MGAT5: variants seen among roughly 807,000 people sequenced by gnomAD.
MGAT5 encodes alpha-1,6-mannosylglycoprotein 6-beta-N-acetylglucosaminyltransferase.
MGAT5 carries 30 observed loss-of-function variants against 94.3 expected under a neutral mutation model. The ratio of observed to expected loss-of-function variants is 0.32; its 90% CI spans 0.24 to 0.43. The LOEUF (loss-of-function observed/expected upper bound fraction) is 0.43, where lower values mean the gene tolerates loss of function less well. Among genes scored for constraint, MGAT5 ranks in the 20% least tolerant of loss-of-function variants. The pLI is 1.00. For missense variants in MGAT5, 691 were observed against 905.5 expected, an observed-to-expected ratio of 0.76 and a Z score of 3.04; for synonymous variants, 310 against 322.9, an observed-to-expected ratio of 0.96 and a Z score of 0.43.
chr2:134,194,381 G>T (rs1679394083), intron 1 of MGAT5, among the ~76,000 whole-genome samples: 1 of 151,934 alleles, frequency 6.6e-6, no homozygotes, highest in African/African-American at 2.4e-5. Context: ...TGGTCCTTGT[G>T]GCTTTAATAC....
At chr2:134,232,817 G>T (rs1681438132) in intron 1 of MGAT5, among the ~76,000 whole-genome samples, 1 of 152,124 alleles carries the variant, frequency 6.6e-6, no homozygotes, top group South Asian at 2.1e-4. Context: ...TCTGTGGGTG[G>T]TGGTTGTTAT....
In MGAT5 at chr2:134,196,423, A is replaced by T. The variant is rs10084469; in HGVS notation, c.-142-57839A>T. Among the ~76,000 whole-genome samples the T allele has an allele frequency of 6.5e-3, 987 of 151,274 alleles. 10 individuals are homozygous for T. Among genetic ancestry groups the T allele is most frequent in the African/African-American group, 0.022 (914 of 41,214 alleles). ...GGCTTAAAAAAAAAAAAAACTATGG[A>T]TCCAAGGGAGCTTTTTAAAACACTC... On this transcript the variant is annotated intron_variant, in intron 1 of 16. Transcript: ENST00000409645.
intron 4 of MGAT5, among the ~76,000 whole-genome samples, chr2:134,320,794 A>G (rs1468741485): frequency 1.3e-5 from 2 of 152,164 alleles, no homozygotes; most frequent in African/African-American, 4.8e-5. Flanking sequence ...ATAGAGGCCA[A>G]ACAGTATTGC....
chr2:134,243,448 G>A (rs930866323), intron 1 of MGAT5, among the ~76,000 whole-genome samples: 5 of 152,136 alleles, frequency 3.3e-5, no homozygotes, highest in Admixed American at 1.3e-4. Flanking sequence ...CAAGTTATTT[G>A]CAGTGTTTGG....
intron 4 of MGAT5, among the ~76,000 whole-genome samples, chr2:134,328,567 A>G (rs1222311275): frequency 6.6e-6 from 1 of 152,056 alleles, no homozygotes; most frequent in Non-Finnish European, 1.5e-5. Context: ...TATCATTATC[A>G]TGAGTCTCTT....
intron 12 of MGAT5, 96 bp from the exon 13 acceptor site, chr2:134,422,707 G>A (rs1260950186): frequency 2.7e-5 from 23 of 860,308 alleles, no homozygotes; most frequent in South Asian, 5.8e-5. Flanking sequence ...TTACCTACAC[G>A]ATTATAACTC....
At chr2:134,333,918 T>G (rs1241996522) in intron 4 of MGAT5, among the ~76,000 whole-genome samples, 1 of 152,164 alleles carries the variant, frequency 6.6e-6, no homozygotes, top group Non-Finnish European at 1.5e-5. Context: ...CTTCTCCCCA[T>G]GGGATAATTG....
intron 4 of MGAT5, among the ~76,000 whole-genome samples, chr2:134,329,637 T>C (rs1456322972): frequency 6.6e-6 from 1 of 152,114 alleles, no homozygotes; most frequent in Non-Finnish European, 1.5e-5. Context: ...GTATCTAGTC[T>C]GTGCTTCGGC....
intron 4 of MGAT5, among the ~76,000 whole-genome samples, chr2:134,320,611 G>T (rs1687257436): frequency 6.6e-6 from 1 of 151,964 alleles, no homozygotes; most frequent in African/African-American, 2.4e-5. Flanking sequence ...TTTTTATTCT[G>T]TCCCCCGTTT....
intron 4 of MGAT5, among the ~76,000 whole-genome samples, chr2:134,321,258 C>G (rs897063880): frequency 6.7e-6 from 1 of 150,040 alleles, no homozygotes; most frequent in Non-Finnish European, 1.5e-5. Flanking sequence ...GTTTTATTCC[C>G]CTTTCTACTT....
intron 1 of MGAT5, among the ~76,000 whole-genome samples, chr2:134,229,158 G>T (rs1681219234): frequency 6.6e-6 from 1 of 152,130 alleles, no homozygotes; most frequent in South Asian, 2.1e-4. Flanking sequence ...AAAAATATCA[G>T]GAAAAATTGT....
In MGAT5 at chr2:134,130,988, C is replaced by T. The variant is rs1686129595; in HGVS notation, c.-143+10697C>T. On this transcript the variant is annotated intron_variant, in intron 1 of 16. Coordinates refer to the MGAT5 transcript ENST00000409645. Reference sequence around the variant, plus strand: ...CAGATAAGGGAATAAAAGCAGGCTGCCTGAGCTGGCACTGGCAACCCCCTG... The same window carrying T: ...CAGATAAGGGAATAAAAGCAGGCTGTCTGAGCTGGCACTGGCAACCCCCTG... 2.6e-5 allele frequency among the ~76,000 whole-genome samples: 4 copies of T among 152,324 alleles called. No individual in the cohort carries two copies. The South Asian group carries it at 8.3e-4, about 32-fold the overall frequency.
intron 1 of MGAT5, among the ~76,000 whole-genome samples, chr2:134,172,603 G>A (rs552517508): frequency 6.6e-6 from 1 of 152,104 alleles, no homozygotes; most frequent in Admixed American, 6.5e-5. Flanking sequence ...AGCCAGGATG[G>A]TCTCGATCTC....
chr2:134,331,958 A>C (rs1357216826), intron 4 of MGAT5, among the ~76,000 whole-genome samples: 1 of 145,354 alleles, frequency 6.9e-6, no homozygotes, highest in Non-Finnish European at 1.5e-5. Flanking sequence ...CATGGGTAGG[A>C]AGAATCAATA....
chr2:134,385,256 C>T (rs1284376100), intron 10 of MGAT5, among the ~76,000 whole-genome samples: 1 of 152,148 alleles, frequency 6.6e-6, no homozygotes, highest in Non-Finnish European at 1.5e-5. Flanking sequence ...TTTAGCAGAA[C>T]CCACTGTACT....
intron 12 of MGAT5, among the ~76,000 whole-genome samples, chr2:134,413,475 C>T (rs1683785890): frequency 6.6e-6 from 1 of 152,126 alleles, no homozygotes; most frequent in Non-Finnish European, 1.5e-5. Context: ...TGATTTTTTT[C>T]ACCCACCATC....
intron 10 of MGAT5, among the ~76,000 whole-genome samples, chr2:134,393,347 C>T (rs558203875): frequency 4.9e-4 from 74 of 152,250 alleles, no homozygotes; most frequent in African/African-American, 1.8e-3. Flanking sequence ...CAGACAGAGA[C>T]CAATTCTCCC....
chr2:134,150,930 G>A (rs1687137528), intron 1 of MGAT5, among the ~76,000 whole-genome samples: 1 of 152,188 alleles, frequency 6.6e-6, no homozygotes, highest in Non-Finnish European at 1.5e-5. Context: ...ACTCCATTGG[G>A]AGAGAGGATC....
At chr2:134,403,964 T>C (rs1352787185) in intron 11 of MGAT5, among the ~76,000 whole-genome samples, 2 of 152,216 alleles carry the variant, frequency 1.3e-5, no homozygotes. Flanking sequence ...TCTGTGTTTT[T>C]TCTGTAATGG....
Sources: allele counts gnomAD v4.1 joint callset (sites outside exome capture counted in the v4.1 genomes callset), GRCh38; gene constraint gnomAD v4.1.1; transcripts MANE v1.5; gene names NCBI Gene and HGNC (gene_info 2026-07-23, HGNC 2026-07-21).